The following PURG variants were observed in gnomAD, a reference collection of about 807,000 sequenced individuals.
The protein encoded by PURG is purine-rich element-binding protein gamma.
PURG carries 3 observed loss-of-function variants against 24.3 expected under a neutral mutation model. That is an observed-to-expected ratio of 0.12 (90% CI 0.06 to 0.32). PURG has a LOEUF of 0.32. PURG is among the 10% of genes least tolerant of loss of function. The pLI is 1.00. For missense variants in PURG, 371 were observed against 439.1 expected (o/e 0.84, Z 1.39); for synonymous variants, 180 against 173.1 (o/e 1.04, Z -0.31).
intron 1 of PURG, among the ~76,000 whole-genome samples, chr8:31,020,707 CAGA>C (rs1443303875): frequency 3.3e-5 from 5 of 152,290 alleles, no homozygotes; most frequent in East Asian, 3.9e-4. Flanking sequence ...CTTGTCAAGG[CAGA>C]AGAAGGAGTA....
intron 1 of PURG, among the ~76,000 whole-genome samples, chr8:31,001,053 T>C (rs918541943): frequency 2.0e-5 from 3 of 152,196 alleles, no homozygotes; most frequent in Non-Finnish European, 2.9e-5. Context: ...CCGATAAACA[T>C]TGAAATACAG....
exon 2 of PURG, chr8:30,996,423 G>C: frequency 6.2e-6 from 3 of 486,410 alleles, no homozygotes; most frequent in Non-Finnish European, 1.1e-5. Context: ...CAATGTGGTG[G>C]AAATTATTCA....
intron 1 of PURG, among the ~76,000 whole-genome samples, chr8:31,003,494 C>A (rs1810581165): frequency 6.6e-6 from 1 of 151,876 alleles, no homozygotes; most frequent in African/African-American, 2.4e-5. Flanking sequence ...GGGCACAGTG[C>A]CTCACACCTG....
chr8:31,014,558 T>A lies in PURG; in HGVS notation c.864+17361A>T, dbSNP rs76598704. On this transcript the variant is annotated intron_variant, in intron 1 of 1. Transcript: ENST00000339382. ...AACAGTTCATTTGCAGAAAAATACA[T>A]TTTTATTTTTTACCTATTTCCTCCC... Among the ~76,000 whole-genome samples, 1,338 of 152,348 alleles carry A rather than the reference T, an allele frequency of 8.8e-3. 25 individuals carry two copies. The highest frequency in any genetic ancestry group is 0.068 in the East Asian group (355 of 5,188).
At chr8:31,004,029 A>G (rs6468013) in intron 1 of PURG, among the ~76,000 whole-genome samples, 22,535 of 152,102 alleles carry the variant, frequency 0.15, 1,887 homozygotes, top group African/African-American at 0.21. Context: ...GAAAGTAAAA[A>G]TTCACCCTTT....
chr8:31,033,136 G>A lies in PURG; in HGVS notation c.-65C>T, dbSNP rs1282429976. The A allele has an allele frequency of 1.4e-5, 3 of 219,992 alleles. No individual in the cohort carries two copies. Among genetic ancestry groups the A allele is most frequent in the East Asian group, 8.4e-5 (1 of 11,936 alleles). The allele number at this position is 219,992 out of a possible 1,614,324, so 13.6% of individuals were successfully genotyped here. ...CTTCACGACCACCGCCGCCGCCACCGCCAGCTCTCGGCCCCTCTGCTGCAG... is the reference window on the plus strand; with the variant it reads ...CTTCACGACCACCGCCGCCGCCACCACCAGCTCTCGGCCCCTCTGCTGCAG... On this transcript the variant is annotated 5_prime_UTR_variant, in exon 1 of 2. Transcript: ENST00000523392.
In PURG at chr8:31,032,012, G is replaced by A. The variant is rs11574150; in HGVS notation, c.771C>T (p.Asp257=). 2.5e-3 allele frequency: 4,096 copies of A among 1,614,128 alleles called. 10 individuals are homozygous for A. The highest frequency in any genetic ancestry group is 3.1e-3 in the Non-Finnish European group (3,624 of 1,180,016). ...AAGTCCCCTCTGGGAGTTCAAGCGG[G>A]TCATCGTCTCCACCTCTTCGTTCTT... ...DIEERRGGDD[D]PLELPEGTSF... is the part of the protein sequence containing the mutation. Residue 257 remains aspartate (D), a synonymous_variant, in exon 2 of 2, where the codon GAC becomes GAT. Coordinates refer to ENST00000523392, the MANE Select transcript of PURG (RefSeq NM_001323311.2). The surrounding 1 kb of genome is among the most constrained non-coding windows in gnomAD (Gnocchi z 5.9).
intron 1 of PURG, among the ~76,000 whole-genome samples, chr8:31,002,965 T>C (rs1171833785): frequency 1.3e-5 from 2 of 152,230 alleles, no homozygotes; most frequent in African/African-American, 4.8e-5. Flanking sequence ...TTTTGAGCGA[T>C]TGCTCAAAAG....
intron 1 of PURG, among the ~76,000 whole-genome samples, chr8:31,012,748 A>G (rs1810787622): frequency 6.6e-6 from 1 of 152,254 alleles, no homozygotes; most frequent in African/African-American, 2.4e-5. Flanking sequence ...TAGAAGGCAT[A>G]GAGCCAAGGC....
downstream of PURG, among the ~76,000 whole-genome samples, chr8:31,027,600 T>C (rs1811114407): frequency 6.6e-6 from 1 of 151,704 alleles, no homozygotes; most frequent in South Asian, 2.1e-4. Context: ...CAGATAAATG[T>C]TTATTTTATG....
At chr8:31,017,308 T>G (rs939656903) in intron 1 of PURG, among the ~76,000 whole-genome samples, 9 of 152,018 alleles carry the variant, frequency 5.9e-5, no homozygotes, top group African/African-American at 2.2e-4. Context: ...AGGATTGGGA[T>G]CTCTTTTAAA....
chr8:31,004,253 A>G (rs1810599806), intron 1 of PURG, among the ~76,000 whole-genome samples: 1 of 152,210 alleles, frequency 6.6e-6, no homozygotes, highest in Non-Finnish European at 1.5e-5. Flanking sequence ...GGAATTACAG[A>G]TCAAAATGAG....
chr8:31,022,007 G>A (rs145918771), intron 1 of PURG, among the ~76,000 whole-genome samples: 2 of 140,688 alleles, frequency 1.4e-5, no homozygotes, highest in Non-Finnish European at 3.0e-5. Context: ...GTCTCACTCC[G>A]TTGCCCAGGC....
intron 1 of PURG, among the ~76,000 whole-genome samples, chr8:31,023,928 T>C (rs1014965390): frequency 2.0e-5 from 3 of 152,218 alleles, no homozygotes; most frequent in African/African-American, 7.2e-5. Context: ...GTGATATTAA[T>C]CTGTAAAATT....
At chr8:31,010,415 G>A (rs777604067) in intron 1 of PURG, among the ~76,000 whole-genome samples, 18 of 152,220 alleles carry the variant, frequency 1.2e-4, no homozygotes, top group Non-Finnish European at 2.4e-4. Context: ...GAGCACCAAT[G>A]AGTTGCTAGG....
intron 1 of PURG, chr8:30,996,733 T>C (rs1219602270): frequency 1.7e-5 from 25 of 1,511,288 alleles, no homozygotes; most frequent in Middle Eastern, 1.8e-4. Context: ...TTAGCAAACA[T>C]GAAGTTTTCA....
intron 1 of PURG, among the ~76,000 whole-genome samples, chr8:31,017,217 T>C (rs925776278): frequency 1.3e-5 from 2 of 152,230 alleles, no homozygotes; most frequent in Admixed American, 6.5e-5. Flanking sequence ...CACAGCACTT[T>C]AGGGCAGCCA....
chr8:31,024,401 A>T (rs1036954908), intron 1 of PURG, among the ~76,000 whole-genome samples: 9 of 152,146 alleles, frequency 5.9e-5, no homozygotes, highest in African/African-American at 2.2e-4. Context: ...TGAGGAAATC[A>T]TCCAACAGAA....
chr8:31,022,884 G>A (rs2129830517), intron 1 of PURG, among the ~76,000 whole-genome samples: 1 of 152,254 alleles, frequency 6.6e-6, no homozygotes, highest in East Asian at 1.9e-4. Flanking sequence ...TGTGAATTTG[G>A]GTGTCTGTAT....
Sources: allele counts gnomAD v4.1 joint callset (sites outside exome capture counted in the v4.1 genomes callset), GRCh38; gene constraint gnomAD v4.1.1; non-coding constraint Gnocchi (gnomAD v3.1); transcripts MANE v1.5; gene names NCBI Gene and HGNC (gene_info 2026-07-23, HGNC 2026-07-21).